The following UBR4 variants were observed in gnomAD, a reference collection of about 807,000 sequenced individuals.
The protein encoded by UBR4 is E3 ubiquitin-protein ligase UBR4.
In UBR4, 124 loss-of-function variants were observed where a neutral mutation model predicts 575.6. The observed-to-expected ratio is 0.22, with a 90% CI of 0.19 to 0.25. The LOEUF is 0.25. Ranked by LOEUF, UBR4 falls within the 10% of genes least tolerant of loss-of-function variation. The probability of loss-of-function intolerance (pLI) is 1.00; values close to 1 mark genes in which losing one functional copy is unlikely to be tolerated. For missense variants in UBR4, 4,818 were observed against 6,478.8 expected (o/e 0.74, Z 8.80); for synonymous variants, 2,455 against 2,473.7 (o/e 0.99, Z 0.22).
chr1:19,192,606 C>G, intron 9 of UBR4, 66 bp from the exon 10 acceptor site: 2 of 1,558,830 alleles, frequency 1.3e-6, no homozygotes, highest in Admixed American at 3.4e-5. Context: ...AATGCTAAAT[C>G]CTACCCAAAC....
chr1:19,156,683 A>T, intron 41 of UBR4, 84 bp downstream of exon 41: 9 of 1,516,318 alleles, frequency 5.9e-6, no homozygotes, highest in South Asian at 1.3e-5. Flanking sequence ...ACAACGAATA[A>T]GAAAAAGTAG....
intron 52 of UBR4, 171 bp from the exon 53 acceptor site, chr1:19,146,104 A>G: frequency 6.5e-7 from 1 of 1,548,276 alleles, no homozygotes; most frequent in South Asian, 1.2e-5. Context: ...GGAAAAAAAC[A>G]GTCTGGGAAA....
chr1:19,188,160 A>C (rs1236049861), intron 11 of UBR4, among the ~76,000 whole-genome samples: 1 of 152,166 alleles, frequency 6.6e-6, no homozygotes, highest in Admixed American at 6.5e-5. Flanking sequence ...AAAGATGCTG[A>C]CTTTTAAATG....
intron 17 of UBR4, 93 bp downstream of exon 17, chr1:19,183,718 T>C (rs2091248227): frequency 1.5e-6 from 2 of 1,327,816 alleles, no homozygotes; most frequent in Non-Finnish European, 2.1e-6. Flanking sequence ...CAAGACTCCA[T>C]CTCAAAAAAA....
chr1:19,129,994 T>TA (rs1213539127), intron 60 of UBR4, among the ~76,000 whole-genome samples: 1 of 152,216 alleles, frequency 6.6e-6, no homozygotes, highest in Non-Finnish European at 1.5e-5. Flanking sequence ...GTATCCAGAA[T>TA]ATTGTCTTTT....
At chr1:19,146,436 T>C (rs558558937) in intron 52 of UBR4, among the ~76,000 whole-genome samples, 1 of 152,344 alleles carries the variant, frequency 6.6e-6, no homozygotes, top group South Asian at 2.1e-4. Flanking sequence ...ACTGAGAAAG[T>C]TGCTACACAT....
At chr1:19,112,895 G>C in intron 77 of UBR4, 28 bp from the exon 78 acceptor site, 1 of 1,519,164 alleles carries the variant, frequency 6.6e-7, no homozygotes, top group Non-Finnish European at 8.8e-7. Context: ...ACAATAATGG[G>C]AATTAGCAAT....
In UBR4 at chr1:19,097,247, C is replaced by A; in HGVS notation, c.13336G>T (p.Gly4446Trp). The part of the protein sequence containing the change: ...EPMRIVYRMR[G>W]LLGDATEEFI... Reference sequence around the variant, plus strand: ...TCCTCTGTGGCATCGCCCAGCAGCCCCCGCATACGATAAACAATCCTCATG... The same window carrying A: ...TCCTCTGTGGCATCGCCCAGCAGCCACCGCATACGATAAACAATCCTCATG... The change falls in exon 91 of 106, where the codon GGG (glycine) becomes TGG (tryptophan). Residue 4446 changes from glycine (G) to tryptophan (W), a missense_variant. Transcript: ENST00000375254. 1 of 1,613,676 alleles carries A rather than the reference C, an allele frequency of 6.2e-7. No individual in the cohort carries two copies. Among genetic ancestry groups the A allele is most frequent in the South Asian group, 1.1e-5 (1 of 91,044 alleles).
Position 19,164,375 on chromosome 1 carries a change from C to CA in UBR4, c.4577dup (p.Ala1527GlyfsTer4). 6.2e-7 allele frequency: 1 copy of CA among 1,614,230 alleles called. No homozygotes were observed. Among genetic ancestry groups the CA allele is most frequent in the Non-Finnish European group, 8.5e-7 (1 of 1,180,042 alleles). ...GGAAGCCAGTCCCATCACCGTTGGC[C>CA]AGCATCTCTGTTGCCATGGGAGTCA... is the stretch of plus-strand genomic sequence containing the variant. On this transcript the variant is annotated frameshift_variant, in exon 33 of 106. Transcript: ENST00000375254. LOFTEE classifies it high-confidence loss of function.
intron 35 of UBR4, among the ~76,000 whole-genome samples, 192 bp from the exon 36 acceptor site, chr1:19,162,089 G>A (rs1211923832): frequency 1.3e-5 from 2 of 152,178 alleles, no homozygotes; most frequent in Non-Finnish European, 2.9e-5. Flanking sequence ...AGATCTTAGG[G>A]GTTTGTGGTT....
rs55848569 is a variant in UBR4, at chr1:19,151,664, C to G, written c.7192G>C (p.Asp2398His). 1 of 1,614,074 alleles carries G rather than the reference C, an allele frequency of 6.2e-7. No individual in the cohort carries two copies. Among genetic ancestry groups the G allele is most frequent in the Non-Finnish European group, 8.5e-7 (1 of 1,180,028 alleles). The part of the protein sequence containing the change: ...PFTREEALQA[D>H]KKLNLFIGAS... ...TCACTGAAGAGGTTCAGCTTCTTAT[C>G]AGCCTGCAGGGCTTCTTCTCTGGTG... Residue 2398 changes from aspartate to histidine, a missense_variant, in exon 48 of 106, where the codon GAT becomes CAT. This residue lies in a region of UBR4 where 340 missense variants were observed against 375.4 expected (regional missense o/e 0.91). Coordinates refer to ENST00000375254, the MANE Select transcript of UBR4 (RefSeq NM_020765.3).
chr1:19,166,961 T>C, intron 29 of UBR4, 61 bp downstream of exon 29: 4 of 1,558,004 alleles, frequency 2.6e-6, no homozygotes, highest in Non-Finnish European at 3.5e-6. Context: ...GCAGTGTTAG[T>C]ACATTTCACT....
intron 65 of UBR4, 134 bp downstream of exon 65, chr1:19,124,407 A>G: frequency 1.6e-6 from 2 of 1,227,856 alleles, no homozygotes; most frequent in South Asian, 3.2e-5. Context: ...GAAGGGCAAG[A>G]CCAAGACCTA....
Position 19,164,416 on chromosome 1 carries a change from C to G in UBR4, c.4537G>C (p.Val1513Leu), listed in dbSNP as rs779781863. Residue 1513 changes from valine (V) to leucine (L), a missense_variant, in exon 33 of 106, where the codon GTT becomes CTT. Physicochemically the swap from Val to Leu is conservative, Grantham distance 32. Coordinates refer to ENST00000375254, the MANE Select transcript of UBR4 (RefSeq NM_020765.3). ...NSQVGEGVCA[V>L]LLGTLTPMAT... ...ATGGGAGTCAGGGTGCCCAGAAGAA[C>G]AGCACACACACCTTCCCCAACTTGG... is the stretch of plus-strand genomic sequence containing the variant. 4.3e-6 allele frequency: 7 copies of G among 1,614,104 alleles called. No homozygotes were observed. In the South Asian group the frequency reaches 4.4e-5, roughly 10 times the overall value.
chr1:19,174,067 A>G (rs1175103500), intron 22 of UBR4, among the ~76,000 whole-genome samples: 1 of 152,178 alleles, frequency 6.6e-6, no homozygotes, highest in Non-Finnish European at 1.5e-5. Flanking sequence ...TTGACAGGAG[A>G]TATAGCACTT....
chr1:19,156,826 C>T lies in UBR4; in HGVS notation c.5860G>A (p.Val1954Met). 1 of 1,614,170 alleles carries T rather than the reference C, an allele frequency of 6.2e-7. No homozygotes were observed. Among genetic ancestry groups the T allele is most frequent in the Non-Finnish European group, 8.5e-7 (1 of 1,180,008 alleles). ...CAGGGATTTCCTGTGAGGCTCAACA[C>T]AGTAAAAGGAACTGGGGCAGAAGCC... is the stretch of plus-strand genomic sequence containing the variant. The part of the protein sequence containing the change: ...RLASAPVPFT[V>M]LSLTGNPCKE... The change falls in exon 41 of 106, where the codon GTG (valine) becomes ATG (methionine). Residue 1954 changes from valine to methionine, a missense_variant. Val to Met is a conservative substitution (Grantham distance 21). Around this residue, in one of 29 missense-constraint regions of UBR4, gnomAD observed 461 missense variants for 606.9 expected, o/e 0.76. Transcript: ENST00000375254.
At chr1:19,122,151 G>C in intron 66 of UBR4, 139 bp from the exon 67 acceptor site, 1 of 811,470 alleles carries the variant, frequency 1.2e-6, no homozygotes, top group Non-Finnish European at 2.0e-6. Context: ...GATGCTTGCT[G>C]AGATGTCTGG....
rs2083931981 is a variant in UBR4 at position 19,141,498 on chromosome 1, A to G, written c.8337T>C (p.Ala2779=). ...MVSESMVLET[A]ENVNNGNPSP... ...AGGGGTTGCCATTGTTGACATTTTC[A>G]GCTGTCTCCAGGACCATCGACTCAG... Residue 2779 remains alanine (A), a synonymous_variant, in exon 57 of 106, where the codon GCT becomes GCC. Coordinates refer to ENST00000375254, the MANE Select transcript of UBR4 (RefSeq NM_020765.3). The G allele has an allele frequency of 6.2e-7, 1 of 1,611,774 alleles. No homozygotes were observed. The highest frequency in any genetic ancestry group is 1.1e-5 in the South Asian group (1 of 90,670).
In UBR4 at chr1:19,172,867, G is replaced by T; in HGVS notation, c.3518C>A (p.Thr1173Asn). The T allele has an allele frequency of 1.2e-6, 2 of 1,614,144 alleles. No individual in the cohort carries two copies. The change falls in exon 25 of 106, where the codon ACC (threonine) becomes AAC (asparagine). Residue 1173 changes from threonine (T) to asparagine (N), a missense_variant. By Grantham distance (65) the Thr-to-Asn change is moderately conservative. This residue lies in a region of UBR4 where 1,172 missense variants were observed against 1,259.7 expected (regional missense o/e 0.93). Coordinates refer to ENST00000375254, the MANE Select transcript of UBR4 (RefSeq NM_020765.3). ...LQLIDTYASF[T>N]RAYLLQNFNE... The stretch of plus-strand genomic sequence containing the variant: ...CTGGGCAGGCAGTTCGCCACACCTG[G>T]TGAACGATGCATAGGTGTCAATGAG...
Sources: gnomAD v4.1 joint callset for allele counts (sites outside exome capture counted in the v4.1 genomes callset) on GRCh38, gnomAD v4.1.1 for gene constraint, gnomAD v4.1.1 regional missense constraint, MANE v1.5 for transcripts, NCBI Gene and HGNC (gene_info 2026-07-23, HGNC 2026-07-21) for gene names.